The following PODN variants were observed in gnomAD, a reference collection of about 807,000 sequenced individuals.
PODN encodes the protein podocan.
Under a neutral mutation model 52.7 loss-of-function variants are expected in PODN, and 40 were observed. The observed-to-expected ratio is 0.76, with a 90% CI of 0.59 to 0.99. The LOEUF (loss-of-function observed/expected upper bound fraction) is 0.99, where lower values mean the gene tolerates loss of function less well. Among genes scored for constraint, PODN ranks in the 50% least tolerant of loss-of-function variants. PODN has a pLI of 0.00. For synonymous variants in PODN, 396 were observed against 377.9 expected (o/e 1.05, Z -0.56); for missense variants, 720 against 815.1 (o/e 0.88, Z 1.42).
intron 4 of PODN, among the ~76,000 whole-genome samples, chr1:53,074,943 AG>A (rs1557652951): frequency 6.6e-6 from 1 of 152,016 alleles, no homozygotes; most frequent in Non-Finnish European, 1.5e-5. Flanking sequence ...GCATACCTGG[AG>A]GGCTTCCTGG....
At chr1:53,083,220 T>C (rs1557660149) in intron 10 of PODN, among the ~76,000 whole-genome samples, 1 of 151,030 alleles carries the variant, frequency 6.6e-6, no homozygotes, top group East Asian at 2.0e-4. Flanking sequence ...AGGGCAGAGG[T>C]GGGAATGGAG....
chr1:53,070,629 A>G (rs952917429), intron 2 of PODN, among the ~76,000 whole-genome samples: 7 of 152,362 alleles, frequency 4.6e-5, no homozygotes, highest in Middle Eastern at 3.4e-3. Context: ...GAGGTGGGAC[A>G]CAGTGTCCAG....
At chr1:53,069,695 T>A in intron 1 of PODN, 106 bp from the exon 2 acceptor site, 1 of 1,439,432 alleles carries the variant, frequency 6.9e-7, no homozygotes, top group Non-Finnish European at 9.2e-7. Context: ...CAGCAGTCAG[T>A]CATCGGCTGG....
At chr1:53,066,802 A>G (rs1289220320) in intron 1 of PODN, 1 of 1,543,162 alleles carries the variant, frequency 6.5e-7, no homozygotes, top group Non-Finnish European at 8.8e-7. Flanking sequence ...CAATATTTTT[A>G]TTGATGCAGT....
intron 2 of PODN, 129 bp downstream of exon 2, chr1:53,070,296 A>G: frequency 7.2e-7 from 1 of 1,392,560 alleles, no homozygotes; most frequent in Non-Finnish European, 9.7e-7. Flanking sequence ...TCCACTCCCA[A>G]CCACAGGGTG....
chr1:53,075,619 A>G (rs2150300745), intron 4 of PODN, among the ~76,000 whole-genome samples: 1 of 152,358 alleles, frequency 6.6e-6, no homozygotes, highest in Middle Eastern at 3.4e-3. Flanking sequence ...GGATGAACCC[A>G]GGAGGACGGG....
At chr1:53,081,909 A>G in intron 9 of PODN, 72 bp from the exon 10 acceptor site, 1 of 1,521,106 alleles carries the variant, frequency 6.6e-7, no homozygotes, top group Non-Finnish European at 8.8e-7. Flanking sequence ...CCTTCTGGAG[A>G]GGCCAGTCGG....
chr1:53,078,755 C>T lies in PODN; in HGVS notation c.1245C>T (p.Arg415=), dbSNP rs769462836. ...AGGAGCTCAACCTCAGCTACAACCG[C>T]ATCACCAGCCCGCAGGTGCACCGCG... ...FLEELNLSYN[R]ITSPQVHRDA... Residue 415 remains arginine (R), a synonymous_variant, in exon 8 of 11, where the codon CGC becomes CGT. Transcript: ENST00000312553. The T allele has an allele frequency of 8.7e-6, 14 of 1,613,304 alleles. No individual in the cohort carries two copies. The Admixed American group carries it at 2.3e-4, about 27-fold the overall frequency.
At chr1:53,062,982 G>A (rs1003836243) in intron 1 of PODN, among the ~76,000 whole-genome samples, 2 of 152,254 alleles carry the variant, frequency 1.3e-5, no homozygotes, top group African/African-American at 2.4e-5. Context: ...GGGACAGCTG[G>A]AGGGAGGAAG....
chr1:53,078,812 G>C lies in PODN; in HGVS notation c.1302G>C (p.Ser434=). The part of the protein sequence containing the change: ...DAFRKLRLLR[S]LDLSGNRLHT... ...TCCGCAAGCTGCGCCTGCTGCGCTC[G>C]CTGGACCTGTCGGGCAACCGGCTGC... Residue 434 remains serine, a synonymous_variant, in exon 8 of 11, where the codon TCG becomes TCC. Transcript: ENST00000312553. The C allele has an allele frequency of 6.2e-7, 1 of 1,613,002 alleles. No individual in the cohort carries two copies. The highest frequency in any genetic ancestry group is 8.5e-7 in the Non-Finnish European group (1 of 1,179,804).
chr1:53,065,289 A>G (rs1034425165), intron 1 of PODN, among the ~76,000 whole-genome samples: 6 of 152,158 alleles, frequency 3.9e-5, no homozygotes, highest in African/African-American at 1.4e-4. Flanking sequence ...CCAGGAGCCC[A>G]AGGCTGCAGT....
intron 7 of PODN, 43 bp from the exon 8 acceptor site, chr1:53,078,322 A>G (rs769285877): frequency 9.7e-6 from 15 of 1,549,476 alleles, no homozygotes; most frequent in African/African-American, 2.7e-5. Context: ...AACGAGCACA[A>G]TGTGGGCTCT....
At position 53,082,133 on chromosome 1, in the gene PODN, A is replaced by G. The variant is rs1230705054; in HGVS notation, c.1814A>G (p.Glu605Gly). ...LGKEKEEEEE[E>G]EEEEEETR ...AAGGAAAAGGAGGAGGAGGAAGAGG[A>G]GGAGGAGGAGGAAGAGGAAACAAGA... Residue 605 changes from glutamate (E) to glycine (G), a missense_variant, in exon 10 of 11, where the codon GAG (glutamate) becomes GGG (glycine). Coordinates refer to ENST00000312553, the MANE Select transcript of PODN (RefSeq NM_153703.5). 6.2e-7 allele frequency: 1 copy of G among 1,612,664 alleles called. No individual in the cohort carries two copies. Among genetic ancestry groups the G allele is most frequent in the Non-Finnish European group, 8.5e-7 (1 of 1,179,512 alleles).
chr1:53,081,933 T>G, intron 9 of PODN, 48 bp from the exon 10 acceptor site: 1 of 1,550,538 alleles, frequency 6.4e-7, no homozygotes, highest in Non-Finnish European at 8.7e-7. Flanking sequence ...AAGGGAGGGT[T>G]CCTTGGGGGT....
Position 53,080,793 on chromosome 1 carries a change from C to A in PODN, c.1578C>A (p.Tyr526Ter), listed in dbSNP as rs1572278168. ...AGGGGCTCCCCGAGTCACTTGAGTA[C>A]CTGTACCTGCAGAACAACAAGATTA... ...IPEGLPESLE[Y>*]LYLQNNKISA... Residue 526 changes from tyrosine (Y) to a stop codon, truncating the protein, a stop_gained, in exon 9 of 11, where the codon TAC becomes TAA. Transcript: ENST00000312553. LOFTEE classifies it high-confidence loss of function. 6.2e-7 allele frequency: 1 copy of A among 1,614,130 alleles called. No individual in the cohort carries two copies. The highest frequency in any genetic ancestry group is 2.2e-5 in the East Asian group (1 of 44,884).
At position 53,079,027 on chromosome 1, in the gene PODN, G is replaced by T; in HGVS notation, c.1512+5G>T. Reference sequence around the variant, plus strand: ...GTGGACCTCGCCCATCTGCAGGTAAGCGGAAGGGAGGGGGCTGAGCCATGC... The same window carrying T: ...GTGGACCTCGCCCATCTGCAGGTAATCGGAAGGGAGGGGGCTGAGCCATGC... On this transcript the variant is annotated splice_donor_5th_base_variant and intron_variant, in intron 8 of 10. Transcript: ENST00000312553. The T allele has an allele frequency of 6.5e-7, 1 of 1,529,844 alleles. No homozygotes were observed. Among genetic ancestry groups the T allele is most frequent in the Non-Finnish European group, 8.8e-7 (1 of 1,136,926 alleles). The allele number at this position is 1,529,844 out of a possible 1,614,324, so 94.8% of individuals were successfully genotyped here.
chr1:53,084,123 G>C (rs1644330435), intron 10 of PODN, among the ~76,000 whole-genome samples: 2 of 152,102 alleles, frequency 1.3e-5, no homozygotes, highest in African/African-American at 4.8e-5. Context: ...CCAGCTCCCA[G>C]GGCCCGGGAG....
At chr1:53,066,932 C>G (rs1322934057) in intron 1 of PODN, 3 of 1,482,296 alleles carry the variant, frequency 2.0e-6, no homozygotes, top group Non-Finnish European at 2.8e-6. Flanking sequence ...GGCCTTCTGC[C>G]CTGATTGAAT....
chr1:53,081,145 C>T (rs559911508), intron 9 of PODN, among the ~76,000 whole-genome samples: 1 of 152,372 alleles, frequency 6.6e-6, no homozygotes, highest in South Asian at 2.1e-4. Context: ...TGGTTTGCAG[C>T]TGAGAGAGCT....
Sources: gnomAD v4.1 joint callset for allele counts (sites outside exome capture counted in the v4.1 genomes callset) on GRCh38, gnomAD v4.1.1 for gene constraint, MANE v1.5 for transcripts, NCBI Gene and HGNC (gene_info 2026-07-23, HGNC 2026-07-21) for gene names.